WAC: variants seen among roughly 807,000 people sequenced by gnomAD.
WAC encodes the protein WW domain-containing adapter protein with coiled-coil.
Under a neutral mutation model 79.6 loss-of-function variants are expected in WAC, and 11 were observed. That is an observed-to-expected ratio of 0.14 (90% CI 0.09 to 0.23). WAC has a LOEUF of 0.23. Ranked by LOEUF, WAC falls within the 10% of genes least tolerant of loss-of-function variation. WAC has a pLI of 1.00. For missense variants in WAC, 728 were observed against 773.5 expected (o/e 0.94, Z 0.70); for synonymous variants, 304 against 276.9 (o/e 1.10, Z -0.97).
At chr10:28,556,575 C>T (rs1294021736) in intron 3 of WAC, among the ~76,000 whole-genome samples, 4 of 151,042 alleles carry the variant, frequency 2.6e-5, no homozygotes, top group South Asian at 4.2e-4. Context: ...TATAGTCACA[C>T]GTATTTTTGC....
intron 3 of WAC, among the ~76,000 whole-genome samples, chr10:28,553,659 G>T (rs1411380217): frequency 6.6e-6 from 1 of 152,096 alleles, no homozygotes; most frequent in African/African-American, 2.4e-5. Flanking sequence ...GGTTGTTAAG[G>T]TATATAAGTA....
At chr10:28,555,926 G>T (rs977979079) in intron 3 of WAC, among the ~76,000 whole-genome samples, 1 of 152,032 alleles carries the variant, frequency 6.6e-6, no homozygotes, top group Non-Finnish European at 1.5e-5. Context: ...TACACAGTCT[G>T]GTATTCAGTT....
At chr10:28,560,508 G>A (rs921995140) in intron 3 of WAC, among the ~76,000 whole-genome samples, 1 of 152,192 alleles carries the variant, frequency 6.6e-6, no homozygotes, top group African/African-American at 2.4e-5. Flanking sequence ...TCTTATGCCT[G>A]AGATTCTGGT....
intron 3 of WAC, among the ~76,000 whole-genome samples, chr10:28,556,878 G>T (rs1838027411): frequency 3.3e-5 from 5 of 152,016 alleles, no homozygotes; most frequent in Admixed American, 3.3e-4. Flanking sequence ...GGAAGCATGG[G>T]TTTATTTTTG....
At chr10:28,592,498 G>A (rs540779530) in intron 6 of WAC, among the ~76,000 whole-genome samples, 2 of 152,214 alleles carry the variant, frequency 1.3e-5, no homozygotes, top group African/African-American at 4.8e-5. Flanking sequence ...GTGAATGCCT[G>A]TAATCCCAGC....
At chr10:28,549,484 G>T (rs1335311610) in intron 3 of WAC, among the ~76,000 whole-genome samples, 1 of 152,128 alleles carries the variant, frequency 6.6e-6, no homozygotes, top group East Asian at 1.9e-4. Context: ...CCTGATTAAT[G>T]CCTGGGAAGT....
intron 3 of WAC, among the ~76,000 whole-genome samples, chr10:28,560,825 A>T (rs1464310252): frequency 6.6e-6 from 1 of 152,306 alleles, no homozygotes; most frequent in Non-Finnish European, 1.5e-5. Flanking sequence ...GCCAGCTTTG[A>T]CCAGTAGGCA....
chr10:28,543,576 T>C (rs752146654), intron 3 of WAC, among the ~76,000 whole-genome samples: 25 of 152,248 alleles, frequency 1.6e-4, no homozygotes, highest in Admixed American at 5.9e-4. Flanking sequence ...GGCTTTTACA[T>C]ATATTTTTAT....
rs1190319619 is a variant in WAC at position 28,595,784 on chromosome 10, T to C, written c.662T>C (p.Leu221Ser). Residue 221 changes from leucine to serine, a missense_variant, in exon 7 of 14, where the codon TTG (leucine) becomes TCG (serine). By Grantham distance (145) the Leu-to-Ser change is moderately radical. Transcript: ENST00000354911. ...AGTAGTTTGCTCCCACAGAATATTT[T>C]GTCTCAAACAAGCAGACACAATGAC... Reference protein sequence around the residue: ...DASSLLPQNILSQTSRHNDRD... With the variant: ...DASSLLPQNISSQTSRHNDRD... The C allele has an allele frequency of 6.2e-7, 1 of 1,614,010 alleles. No individual in the cohort carries two copies. The highest frequency in any genetic ancestry group is 8.5e-7 in the Non-Finnish European group (1 of 1,180,012).
At chr10:28,609,925 A>ATT (rs1397591810) in intron 8 of WAC, among the ~76,000 whole-genome samples, 2 of 131,110 alleles carry the variant, frequency 1.5e-5, no homozygotes, top group African/African-American at 5.9e-5. Context: ...ATTCCTAAAT[A>ATT]CTTTTTTTTT....
At position 28,621,765 on chromosome 10, in the gene WAC, A is replaced by C. The variant is rs1841700545; in HGVS notation, c.*2159A>C. 1 of 152,242 alleles carries C rather than the reference A, an allele frequency of 6.6e-6. No homozygotes were observed. The highest frequency in any genetic ancestry group is 2.1e-4 in the South Asian group (1 of 4,832). 9.4% of individuals were successfully genotyped at this position (152,242 alleles called of 1,614,324 possible). A position where few individuals can be genotyped will look rare whatever the true frequency, so the allele number is the denominator to read the frequency against. On this transcript the variant is annotated 3_prime_UTR_variant, in exon 14 of 14. Coordinates refer to ENST00000354911, the MANE Select transcript of WAC (RefSeq NM_016628.5). Reference sequence around the variant, plus strand: ...AGGTAAATTTGAATTTGATTTGCTTATAGTCTACTGGTCTGTGTACCTATG... The same window carrying C: ...AGGTAAATTTGAATTTGATTTGCTTCTAGTCTACTGGTCTGTGTACCTATG...
At chr10:28,562,411 A>G (rs1442142974) in intron 3 of WAC, among the ~76,000 whole-genome samples, 1 of 152,126 alleles carries the variant, frequency 6.6e-6, no homozygotes, top group Non-Finnish European at 1.5e-5. Flanking sequence ...AGCAGTGACA[A>G]TATTTGAAAA....
chr10:28,618,790 T>C (rs557594828), intron 13 of WAC, among the ~76,000 whole-genome samples: 1 of 152,332 alleles, frequency 6.6e-6, no homozygotes, highest in South Asian at 2.1e-4. Context: ...TGTACCTACA[T>C]CTACATTGAG....
intron 3 of WAC, among the ~76,000 whole-genome samples, chr10:28,579,453 G>A (rs1278803463): frequency 6.6e-6 from 1 of 152,114 alleles, no homozygotes; most frequent in Non-Finnish European, 1.5e-5. Flanking sequence ...CAAGTTTTAT[G>A]CGTGGATTCT....
intron 13 of WAC, among the ~76,000 whole-genome samples, chr10:28,619,330 TC>T (rs1268505000): frequency 1.3e-5 from 2 of 152,198 alleles, no homozygotes; most frequent in African/African-American, 4.8e-5. Context: ...CATCCTTTCA[TC>T]ATCCTTATAC....
chr10:28,586,171 A>T (rs1306585439), intron 4 of WAC, among the ~76,000 whole-genome samples: 1 of 152,206 alleles, frequency 6.6e-6, no homozygotes, highest in East Asian at 1.9e-4. Context: ...CTACACAGAT[A>T]TTTGGGTATG....
At chr10:28,580,782 A>G (rs1395055962) in intron 3 of WAC, among the ~76,000 whole-genome samples, 1 of 152,168 alleles carries the variant, frequency 6.6e-6, no homozygotes, top group Non-Finnish European at 1.5e-5. Flanking sequence ...CATAGATCTC[A>G]TGTTTTTCTT....
Position 28,617,744 on chromosome 10 carries a change from G to C in WAC, c.1834G>C (p.Val612Leu). Reference protein sequence around the residue: ...CTELKNLRSLVRVCEIQATLR... With the variant: ...CTELKNLRSLLRVCEIQATLR... ...TGAATTAAAAAATTTAAGATCTTTA[G>C]TCCGAGTATGTGAAATTCAAGCAAC... Residue 612 changes from valine (V) to leucine (L), a missense_variant, in exon 13 of 14, where the codon GTC becomes CTC. Physicochemically the swap from Val to Leu is conservative, Grantham distance 32. Coordinates refer to ENST00000354911, the MANE Select transcript of WAC (RefSeq NM_016628.5). 2 of 1,596,382 alleles carry C rather than the reference G, an allele frequency of 1.3e-6. No individual in the cohort carries two copies. Among genetic ancestry groups the C allele is most frequent in the Non-Finnish European group, 1.7e-6 (2 of 1,174,764 alleles).
intron 8 of WAC, 117 bp from the exon 9 acceptor site, chr10:28,610,582 G>GA (rs1841189151): frequency 1.9e-6 from 2 of 1,071,394 alleles, no homozygotes; most frequent in East Asian, 5.5e-5. Context: ...CTTTTATTTT[G>GA]AGAGTTCTAG....
Sources: gnomAD v4.1 joint callset for allele counts (sites outside exome capture counted in the v4.1 genomes callset) on GRCh38, gnomAD v4.1.1 for gene constraint, MANE v1.5 for transcripts, NCBI Gene and HGNC (gene_info 2026-07-23, HGNC 2026-07-21) for gene names.